FBXL17: variants seen among roughly 807,000 people sequenced by gnomAD.
The protein encoded by FBXL17 is F-box and leucine rich repeat protein 17.
FBXL17 carries 22 observed loss-of-function variants against 66.2 expected under a neutral mutation model. The observed-to-expected ratio is 0.33, with a 90% CI of 0.24 to 0.47. The LOEUF (loss-of-function observed/expected upper bound fraction) is 0.47. Ranked by LOEUF, FBXL17 falls within the 20% of genes least tolerant of loss-of-function variation. FBXL17 has a pLI of 1.00. For missense variants in FBXL17, 878 were observed against 948.2 expected (o/e 0.93, Z 0.97); for synonymous variants, 474 against 400.5 (o/e 1.18, Z -2.19).
At chr5:107,931,756 T>C (rs751281656) in intron 7 of FBXL17, among the ~76,000 whole-genome samples, 5 of 152,160 alleles carry the variant, frequency 3.3e-5, no homozygotes, top group Non-Finnish European at 5.9e-5. Flanking sequence ...AGGTGCTCAT[T>C]CCATATGTTA....
chr5:108,339,980 T>C (rs1022518761), intron 4 of FBXL17, among the ~76,000 whole-genome samples: 13 of 151,940 alleles, frequency 8.6e-5, no homozygotes, highest in Non-Finnish European at 1.6e-4. Context: ...CAAAGAAAAA[T>C]TGTCTGGATA....
chr5:108,087,152 T>C (rs1749005848), intron 6 of FBXL17, among the ~76,000 whole-genome samples: 1 of 152,234 alleles, frequency 6.6e-6, no homozygotes, highest in Non-Finnish European at 1.5e-5. Context: ...TCTGAGCCTC[T>C]GTTTATATGA....
intron 6 of FBXL17, among the ~76,000 whole-genome samples, chr5:108,158,812 T>C (rs1157365393): frequency 1.3e-5 from 2 of 152,172 alleles, no homozygotes; most frequent in African/African-American, 4.8e-5. Flanking sequence ...AAGTTTAAGG[T>C]AATCAACCAT....
chr5:108,179,078 T>A (rs993481636), intron 6 of FBXL17, among the ~76,000 whole-genome samples: 1 of 152,218 alleles, frequency 6.6e-6, no homozygotes, highest in Admixed American at 6.5e-5. Context: ...TGGTAGATTA[T>A]CTATCCAGAC....
At chr5:107,905,434 G>T (rs951371616) in intron 7 of FBXL17, among the ~76,000 whole-genome samples, 2 of 151,718 alleles carry the variant, frequency 1.3e-5, no homozygotes, top group East Asian at 1.9e-4. Flanking sequence ...TACTTTTTTT[G>T]TTGTTGTTGT....
At chr5:108,030,795 C>T (rs994202461) in intron 6 of FBXL17, among the ~76,000 whole-genome samples, 3 of 152,060 alleles carry the variant, frequency 2.0e-5, no homozygotes, top group Non-Finnish European at 2.9e-5. Context: ...GGAAGGGGAG[C>T]AATGGCAGGT....
rs1754075636 is a variant in FBXL17 at position 108,009,282 on chromosome 5, T to TATAG, written c.1822+11642_1822+11643insCTAT. On this transcript the variant is annotated intron_variant, in intron 7 of 8. Transcript: ENST00000542267. ...TGTTTTATATATATATATATATATATATATATATATATATATATACATATA... is the reference window on the plus strand; with the variant it reads ...TGTTTTATATATATATATATATATATATAGATATATATATATATATATACATATA... 5.5e-5 allele frequency among the ~76,000 whole-genome samples: 3 copies of TATAG among 54,796 alleles called. 1 individual carries two copies. The East Asian group carries it at 1.9e-3, about 35-fold the overall frequency. 35.9% of individuals were successfully genotyped at this position (54,796 alleles called of 152,430 possible). A position where few individuals can be genotyped will look rare whatever the true frequency, so the allele number is the denominator to read the frequency against.
intron 6 of FBXL17, among the ~76,000 whole-genome samples, chr5:108,166,108 A>G (rs1410723795): frequency 6.6e-6 from 1 of 152,232 alleles, no homozygotes; most frequent in Non-Finnish European, 1.5e-5. Flanking sequence ...TCTATCTGAC[A>G]TTGAGGTATA....
At chr5:108,320,966 G>A (rs1378373378) in intron 4 of FBXL17, among the ~76,000 whole-genome samples, 1 of 151,796 alleles carries the variant, frequency 6.6e-6, no homozygotes, top group Non-Finnish European at 1.5e-5. Context: ...AATATCCGAA[G>A]TTAAATAAAT....
At chr5:108,291,010 C>T (rs1007544115) in intron 4 of FBXL17, among the ~76,000 whole-genome samples, 11 of 152,166 alleles carry the variant, frequency 7.2e-5, no homozygotes, top group Admixed American at 2.0e-4. Context: ...ACATATGCAA[C>T]GCCATCTAAA....
At chr5:108,081,327 T>C (rs968874571) in intron 6 of FBXL17, among the ~76,000 whole-genome samples, 26 of 152,290 alleles carry the variant, frequency 1.7e-4, no homozygotes, top group African/African-American at 6.0e-4. Flanking sequence ...ATTCAGTTGG[T>C]TGGGGAGCCT....
At chr5:108,300,531 T>A (rs74293770) in intron 4 of FBXL17, among the ~76,000 whole-genome samples, 6,579 of 151,922 alleles carry the variant, frequency 0.043, 766 homozygotes, top group East Asian at 0.39. Flanking sequence ...ATAAAAGATC[T>A]TCTTTTTTAT....
chr5:108,201,846 T>C (rs1753907668), intron 5 of FBXL17, among the ~76,000 whole-genome samples: 1 of 114,286 alleles, frequency 8.7e-6, no homozygotes, highest in Admixed American at 1.0e-4. Context: ...GTGAATGAAT[T>C]TGAAAGTAAA....
chr5:108,376,583 AAAT>A (rs1382842497), intron 1 of FBXL17, among the ~76,000 whole-genome samples: 1 of 152,174 alleles, frequency 6.6e-6, no homozygotes, highest in African/African-American at 2.4e-5. Context: ...GTAATTATTT[AAAT>A]AATGTTTCCT....
rs1158476180 is a variant in FBXL17, at chr5:107,860,368, A to G, written c.*1352T>C. The G allele has an allele frequency of 6.6e-6, 1 of 152,646 alleles. No individual in the cohort carries two copies. Among genetic ancestry groups the G allele is most frequent in the Non-Finnish European group, 1.5e-5 (1 of 68,034 alleles). The allele number at this position is 152,646 out of a possible 1,614,324, so 9.5% of individuals were successfully genotyped here. On this transcript the variant is annotated 3_prime_UTR_variant, in exon 9 of 9. Coordinates refer to ENST00000542267, the MANE Select transcript of FBXL17 (RefSeq NM_001163315.3). ...AAAGATAATCACTCTTTAGCTTAAA[A>G]AGGCTCCCTGATGTCCTCATTATAA...
chr5:108,072,464 G>T (rs1197147242), intron 6 of FBXL17, among the ~76,000 whole-genome samples: 1 of 152,216 alleles, frequency 6.6e-6, no homozygotes, highest in African/African-American at 2.4e-5. Flanking sequence ...AGCACTTTGG[G>T]AGGCTGAGGC....
chr5:107,859,725 C>T lies in FBXL17; in HGVS notation c.*1995G>A, dbSNP rs996962196. The T allele has an allele frequency of 6.6e-6, 1 of 151,984 alleles. No individual in the cohort carries two copies. The highest frequency in any genetic ancestry group is 1.5e-5 in the Non-Finnish European group (1 of 67,966). 9.4% of individuals were successfully genotyped at this position (151,984 alleles called of 1,614,324 possible). A position where few individuals can be genotyped will look rare whatever the true frequency, so the allele number is the denominator to read the frequency against. Reference sequence around the variant, plus strand: ...ATGGTACCATCTATATCATAGATGGCTCTCCCTTCTTTTGTCTTTTTTAAC... The same window carrying T: ...ATGGTACCATCTATATCATAGATGGTTCTCCCTTCTTTTGTCTTTTTTAAC... On this transcript the variant is annotated 3_prime_UTR_variant, in exon 9 of 9. Coordinates refer to ENST00000542267, the MANE Select transcript of FBXL17 (RefSeq NM_001163315.3).
chr5:107,973,268 G>A (rs1752444093), intron 7 of FBXL17, among the ~76,000 whole-genome samples: 2 of 151,934 alleles, frequency 1.3e-5, no homozygotes, highest in Admixed American at 1.3e-4. Flanking sequence ...TGTGGCCTGT[G>A]GACCACATGC....
intron 6 of FBXL17, among the ~76,000 whole-genome samples, chr5:108,076,419 G>C (rs940914865): frequency 6.6e-6 from 1 of 152,032 alleles, no homozygotes; most frequent in African/African-American, 2.4e-5. Flanking sequence ...CTGAAAATAA[G>C]TGTTATTAAG....
Sources: gnomAD v4.1 joint callset for allele counts (sites outside exome capture counted in the v4.1 genomes callset) on GRCh38, gnomAD v4.1.1 for gene constraint, MANE v1.5 for transcripts, NCBI Gene and HGNC (gene_info 2026-07-23, HGNC 2026-07-21) for gene names.